The following PTPRD variants were observed in gnomAD, a reference collection of about 807,000 sequenced individuals.
PTPRD encodes protein tyrosine phosphatase receptor type D.
PTPRD carries 34 observed loss-of-function variants against 214.5 expected under a neutral mutation model. The ratio of observed to expected loss-of-function variants is 0.16; its 90% CI spans 0.12 to 0.21. PTPRD has a LOEUF of 0.21. Ranked by LOEUF, PTPRD falls within the 10% of genes least tolerant of loss-of-function variation. The pLI is 1.00. For missense variants in PTPRD, 2,545 were observed against 2,398.7 expected (o/e 1.06, Z -1.27); for synonymous variants, 1,128 against 845.7 (o/e 1.33, Z -5.79).
intron 35 of PTPRD, among the ~76,000 whole-genome samples, chr9:8,406,845 T>C (rs572232367): frequency 6.6e-6 from 1 of 152,304 alleles, no homozygotes; most frequent in Admixed American, 6.5e-5. Context: ...TTCCACTTTA[T>C]ACTGATGAAC....
intron 2 of PTPRD, among the ~76,000 whole-genome samples, chr9:10,559,538 A>G (rs925336067): frequency 2.0e-5 from 3 of 152,148 alleles, no homozygotes; most frequent in African/African-American, 7.2e-5. Flanking sequence ...AAAAATTGAA[A>G]TTTAATAAGA....
chr9:9,231,445 T>G (rs976714178), intron 9 of PTPRD, among the ~76,000 whole-genome samples: 4 of 152,156 alleles, frequency 2.6e-5, no homozygotes, highest in African/African-American at 9.7e-5. Context: ...ATATAATAAA[T>G]GGAAGAATTA....
intron 8 of PTPRD, among the ~76,000 whole-genome samples, chr9:9,569,845 T>TAA (rs766757191): frequency 5.3e-5 from 8 of 151,506 alleles, no homozygotes; most frequent in Non-Finnish European, 8.9e-5. Context: ...ATCAGAATTA[T>TAA]GTGTGAGCTA....
At position 9,318,262 on chromosome 9, in the gene PTPRD, T is replaced by C. The variant is rs551479790; in HGVS notation, c.-203+79187A>G. Among the ~76,000 whole-genome samples, 3 of 148,014 alleles carry C rather than the reference T, an allele frequency of 2.0e-5. No individual in the cohort carries two copies. In the South Asian group the frequency reaches 6.4e-4, roughly 31 times the overall value. ...AACACCAAAAAGTATTTTCCCTCAA[T>C]ACTTGTTAAAAACAAGTTTGCCACA... On this transcript the variant is annotated intron_variant, in intron 9 of 45. Transcript: ENST00000381196.
In PTPRD at chr9:9,692,993, A is replaced by G. The variant is rs920101381; in HGVS notation, c.-287+41540T>C. 2.6e-4 allele frequency among the ~76,000 whole-genome samples: 39 copies of G among 152,172 alleles called. 1 individual carries two copies. Among genetic ancestry groups the G allele is most frequent in the African/African-American group, 9.4e-4 (39 of 41,476 alleles). On this transcript the variant is annotated intron_variant, in intron 7 of 45. Coordinates refer to ENST00000381196, the MANE Select transcript of PTPRD (RefSeq NM_002839.4). ...GATTTTGTAACCTGAGAGTTTGCTG[A>G]ATTTATCAGTTCTAATATGTTTTTG...
At chr9:9,950,444 G>GGAGTATGGTCT (rs1586923741) in intron 4 of PTPRD, among the ~76,000 whole-genome samples, 3 of 94,862 alleles carry the variant, frequency 3.2e-5, no homozygotes, top group African/African-American at 8.0e-5. Context: ...GAAAGTGGAG[G>GGAGTATGGTCT]CCGGGCGCGG....
intron 9 of PTPRD, among the ~76,000 whole-genome samples, chr9:9,392,188 C>G (rs1040019451): frequency 1.3e-5 from 2 of 152,162 alleles, no homozygotes; most frequent in Non-Finnish European, 2.9e-5. Flanking sequence ...GAGCAGTGTG[C>G]TACATACAGT....
At chr9:9,889,491 A>T (rs927700267) in intron 5 of PTPRD, among the ~76,000 whole-genome samples, 1 of 152,152 alleles carries the variant, frequency 6.6e-6, no homozygotes, top group African/African-American at 2.4e-5. Context: ...CAAAAGGAGG[A>T]CTTATAGATT....
At chr9:9,019,606 T>G (rs2099555186) in intron 10 of PTPRD, among the ~76,000 whole-genome samples, 1 of 152,116 alleles carries the variant, frequency 6.6e-6, no homozygotes, top group Admixed American at 6.5e-5. Flanking sequence ...CTCAGGAGGC[T>G]GAGGCAGGAG....
intron 9 of PTPRD, among the ~76,000 whole-genome samples, chr9:9,188,173 T>C (rs2099932829): frequency 6.6e-6 from 1 of 152,100 alleles, no homozygotes; most frequent in African/African-American, 2.4e-5. Context: ...ATGTTATTTT[T>C]GTGTCTGCCT....
intron 9 of PTPRD, among the ~76,000 whole-genome samples, chr9:9,229,985 T>G (rs2099962057): frequency 6.6e-6 from 1 of 152,168 alleles, no homozygotes; most frequent in African/African-American, 2.4e-5. Context: ...AGATTTATCT[T>G]GTAATGAAAA....
At chr9:8,715,850 T>G (rs931125304) in intron 12 of PTPRD, among the ~76,000 whole-genome samples, 7 of 152,236 alleles carry the variant, frequency 4.6e-5, no homozygotes, top group African/African-American at 1.7e-4. Flanking sequence ...GCACCAAATG[T>G]TTAGCCTTCA....
chr9:9,440,500 C>A (rs1334373883), intron 8 of PTPRD, among the ~76,000 whole-genome samples: 2 of 152,118 alleles, frequency 1.3e-5, no homozygotes, highest in Non-Finnish European at 2.9e-5. Context: ...TGCAAAAAAG[C>A]AAAGCCATTA....
At chr9:9,316,420 G>C (rs1180293061) in intron 9 of PTPRD, among the ~76,000 whole-genome samples, 5 of 152,068 alleles carry the variant, frequency 3.3e-5, no homozygotes, top group Non-Finnish European at 5.9e-5. Context: ...GCTTCTGAAA[G>C]AAACTTATCC....
intron 3 of PTPRD, among the ~76,000 whole-genome samples, chr9:10,333,177 A>C (rs2096782359): frequency 6.6e-6 from 1 of 151,748 alleles, no homozygotes; most frequent in South Asian, 2.1e-4. Flanking sequence ...TGGAAGTAAG[A>C]GTTGTGTTCT....
chr9:8,763,931 T>G (rs10977288), intron 11 of PTPRD, among the ~76,000 whole-genome samples: 16,527 of 152,274 alleles, frequency 0.11, 997 homozygotes, highest in Non-Finnish European at 0.13. Flanking sequence ...GACTGAACTA[T>G]TCTCTTGATA....
intron 8 of PTPRD, among the ~76,000 whole-genome samples, chr9:9,501,272 T>A (rs2096405708): frequency 6.6e-6 from 1 of 151,882 alleles, no homozygotes; most frequent in Non-Finnish European, 1.5e-5. Context: ...ACACCTTAAA[T>A]TTTAAAACAC....
chr9:8,367,121 T>A (rs1351663780), intron 39 of PTPRD, among the ~76,000 whole-genome samples: 2 of 152,196 alleles, frequency 1.3e-5, no homozygotes, highest in Non-Finnish European at 2.9e-5. Flanking sequence ...AGATTTCTTT[T>A]CAAGTAATGA....
chr9:8,908,242 A>T (rs1248801656), intron 11 of PTPRD, among the ~76,000 whole-genome samples: 1 of 152,206 alleles, frequency 6.6e-6, no homozygotes, highest in East Asian at 1.9e-4. Flanking sequence ...TTCTAAAATA[A>T]GGAAAGACTA....
Sources: gnomAD v4.1 joint callset for allele counts (sites outside exome capture counted in the v4.1 genomes callset) on GRCh38, gnomAD v4.1.1 for gene constraint, MANE v1.5 for transcripts, NCBI Gene and HGNC (gene_info 2026-07-23, HGNC 2026-07-21) for gene names.